Variants in CRACR2A observed in about 807,000 individuals in gnomAD.
CRACR2A encodes EF-hand calcium-binding domain-containing protein 4B.
A neutral mutation model predicts 90.5 loss-of-function variants in CRACR2A; 79 were observed. That is an observed-to-expected ratio of 0.87 (90% CI 0.73 to 1.05). The LOEUF (loss-of-function observed/expected upper bound fraction) is 1.05, where lower values mean the gene tolerates loss of function less well. Ranked by LOEUF, CRACR2A falls within the 50% of genes least tolerant of loss-of-function variation. CRACR2A has a pLI of 0.00. For synonymous variants in CRACR2A, 338 were observed against 356.7 expected, an observed-to-expected ratio of 0.95 and a Z score of 0.59; for missense variants, 823 against 897.2, an observed-to-expected ratio of 0.92 and a Z score of 1.06.
At chr12:3,742,633 C>G (rs1946546161) in intron 1 of CRACR2A, among the ~76,000 whole-genome samples, 1 of 152,212 alleles carries the variant, frequency 6.6e-6, no homozygotes, top group Non-Finnish European at 1.5e-5. Flanking sequence ...TTGGTAGGCA[C>G]ATTCTACAGC....
chr12:3,718,394 G>A (rs969641458), intron 2 of CRACR2A, among the ~76,000 whole-genome samples: 3 of 152,144 alleles, frequency 2.0e-5, no homozygotes, highest in Admixed American at 6.5e-5. Flanking sequence ...AAGCAGCCGG[G>A]CTTGCAGGGA....
chr12:3,663,135 G>T (rs568426755), intron 7 of CRACR2A, among the ~76,000 whole-genome samples: 1 of 151,918 alleles, frequency 6.6e-6, no homozygotes. Context: ...TTATAAACAC[G>T]CAGGCATTTA....
At chr12:3,650,728 T>C (rs1189338747) in intron 10 of CRACR2A, among the ~76,000 whole-genome samples, 2 of 152,130 alleles carry the variant, frequency 1.3e-5, no homozygotes, top group African/African-American at 4.8e-5. Context: ...GGACTTAAGG[T>C]CTGGGTTCTC....
chr12:3,750,676 A>G (rs757235706), intron 1 of CRACR2A, among the ~76,000 whole-genome samples: 14 of 152,188 alleles, frequency 9.2e-5, no homozygotes, highest in Non-Finnish European at 1.8e-4. Flanking sequence ...AAGAAAAGCA[A>G]GAGAGAGATG....
At chr12:3,674,006 C>T (rs576188712) in intron 6 of CRACR2A, among the ~76,000 whole-genome samples, 1 of 152,294 alleles carries the variant, frequency 6.6e-6, no homozygotes, top group East Asian at 1.9e-4. Flanking sequence ...TGGGCGTGCA[C>T]AGCAACATGC....
At chr12:3,689,120 G>C (rs1945612010) in intron 4 of CRACR2A, among the ~76,000 whole-genome samples, 1 of 152,130 alleles carries the variant, frequency 6.6e-6, no homozygotes, top group African/African-American at 2.4e-5. Flanking sequence ...TTTAGATGTA[G>C]AATCATGTCT....
chr12:3,707,967 G>T (rs925616524), intron 3 of CRACR2A, among the ~76,000 whole-genome samples: 1 of 152,234 alleles, frequency 6.6e-6, no homozygotes. Flanking sequence ...TTTAGAAGCA[G>T]ATCAGTGTGA....
chr12:3,648,383 G>A (rs1049931601), intron 11 of CRACR2A, 159 bp downstream of exon 11: 61 of 1,527,720 alleles, frequency 4.0e-5, no homozygotes, highest in Non-Finnish European at 4.7e-5. Flanking sequence ...GTGGCTACTT[G>A]GTGGTCCAAA....
chr12:3,745,790 T>TAAAAA (rs1201696411), intron 1 of CRACR2A, among the ~76,000 whole-genome samples: 1 of 9,458 alleles, frequency 1.1e-4, no homozygotes. Flanking sequence ...AAAAATAAAA[T>TAAAAA]AAAATAAAAT....
At chr12:3,661,052 G>C (rs1945024934) in intron 7 of CRACR2A, among the ~76,000 whole-genome samples, 6 of 152,110 alleles carry the variant, frequency 3.9e-5, no homozygotes, top group Admixed American at 3.9e-4. Flanking sequence ...ATTCCCCTGA[G>C]CCCTCCATCA....
intron 8 of CRACR2A, 123 bp downstream of exon 8, chr12:3,659,441 A>G (rs78510141): frequency 1.3e-6 from 1 of 743,844 alleles, no homozygotes; most frequent in East Asian, 2.7e-5. Flanking sequence ...TGAAAAAAAA[A>G]TACAGCAGAG....
intron 2 of CRACR2A, among the ~76,000 whole-genome samples, chr12:3,719,481 A>G (rs931030377): frequency 1.3e-5 from 2 of 152,144 alleles, no homozygotes; most frequent in African/African-American, 4.8e-5. Flanking sequence ...CCCTCCTTTC[A>G]TGCTCCAAAA....
chr12:3,697,286 G>C (rs539586903), intron 3 of CRACR2A, among the ~76,000 whole-genome samples: 25 of 152,296 alleles, frequency 1.6e-4, no homozygotes, highest in African/African-American at 6.0e-4. Flanking sequence ...AGATTGAAAG[G>C]AGATGGAATA....
At chr12:3,733,335 T>A (rs1351305735) in intron 1 of CRACR2A, 125 bp from the exon 2 acceptor site, 2 of 152,300 alleles carry the variant, frequency 1.3e-5, no homozygotes, top group Admixed American at 6.5e-5. Context: ...ATTTATCCTT[T>A]CCTCCTTTCT....
Position 3,702,816 on chromosome 12 carries a change from C to T in CRACR2A, c.-36-5781G>A, listed in dbSNP as rs531651899. On this transcript the variant is annotated intron_variant, in intron 3 of 19. Coordinates refer to ENST00000440314, the MANE Select transcript of CRACR2A (RefSeq NM_001144958.2). ...GAATTCACACAAAAATGAGAAAAACCTAGAATAGCCAAAACAACTTTGAAA... is the reference window on the plus strand; with the variant it reads ...GAATTCACACAAAAATGAGAAAAACTTAGAATAGCCAAAACAACTTTGAAA... Among the ~76,000 whole-genome samples, 65 of 152,200 alleles carry T rather than the reference C, an allele frequency of 4.3e-4. No homozygotes were observed. In the South Asian group the frequency reaches 5.0e-3, roughly 12 times the overall value.
chr12:3,660,228 A>T (rs773099337), intron 7 of CRACR2A, among the ~76,000 whole-genome samples: 69 of 152,136 alleles, frequency 4.5e-4, no homozygotes, highest in Non-Finnish European at 8.2e-4. Flanking sequence ...GAGATTCTCA[A>T]GAGATTCCAT....
At chr12:3,638,633 C>A (rs76826063) in intron 13 of CRACR2A, among the ~76,000 whole-genome samples, 179 bp from the exon 14 acceptor site, 1 of 152,172 alleles carries the variant, frequency 6.6e-6, no homozygotes. Flanking sequence ...ATTCAACACG[C>A]TTCCACTAAG....
chr12:3,742,098 A>G (rs1445516102), intron 1 of CRACR2A, among the ~76,000 whole-genome samples: 3 of 152,226 alleles, frequency 2.0e-5, no homozygotes, highest in African/African-American at 7.2e-5. Flanking sequence ...TGGACTAACC[A>G]CCGTTACCCA....
chr12:3,741,066 G>A (rs893399871), intron 1 of CRACR2A, among the ~76,000 whole-genome samples: 1 of 152,170 alleles, frequency 6.6e-6, no homozygotes, highest in Non-Finnish European at 1.5e-5. Context: ...CAAAGGGAAG[G>A]CAGAAGCTCC....
Sources: allele counts gnomAD v4.1 joint callset (sites outside exome capture counted in the v4.1 genomes callset), GRCh38; gene constraint gnomAD v4.1.1; transcripts MANE v1.5; gene names NCBI Gene and HGNC (gene_info 2026-07-23, HGNC 2026-07-21).